CACNA2D1: variants seen among roughly 807,000 people sequenced by gnomAD.
CACNA2D1 encodes the protein voltage-dependent calcium channel subunit alpha-2/delta-1.
Under a neutral mutation model 171.5 loss-of-function variants are expected in CACNA2D1, and 53 were observed. That is an observed-to-expected ratio of 0.31 (90% CI 0.25 to 0.39). The LOEUF (loss-of-function observed/expected upper bound fraction) is 0.39. Ranked by LOEUF, CACNA2D1 falls within the 10% of genes least tolerant of loss-of-function variation. The pLI is 1.00. For missense variants in CACNA2D1, 903 were observed against 1,299.8 expected (o/e 0.69, Z 4.69); for synonymous variants, 442 against 443.1 (o/e 1.00, Z 0.03).
At chr7:82,404,302 G>C (rs1047975150) in intron 1 of CACNA2D1, among the ~76,000 whole-genome samples, 7 of 152,180 alleles carry the variant, frequency 4.6e-5, no homozygotes, top group African/African-American at 1.7e-4. Flanking sequence ...GGGCACGGCA[G>C]GAACATGGAG....
intron 1 of CACNA2D1, among the ~76,000 whole-genome samples, chr7:82,438,479 G>A (rs1252708829): frequency 6.6e-6 from 1 of 152,144 alleles, no homozygotes; most frequent in Non-Finnish European, 1.5e-5. Context: ...ACAAAGTGCT[G>A]CCACTTTTAC....
chr7:82,411,080 A>G (rs1205585084), intron 1 of CACNA2D1, among the ~76,000 whole-genome samples: 1 of 152,232 alleles, frequency 6.6e-6, no homozygotes, highest in Non-Finnish European at 1.5e-5. Flanking sequence ...CCATTCCTTT[A>G]TCTAGAGAGT....
intron 38 of CACNA2D1, among the ~76,000 whole-genome samples, chr7:81,956,306 G>A (rs1793336301): frequency 6.6e-6 from 1 of 152,016 alleles, no homozygotes; most frequent in Admixed American, 6.6e-5. Context: ...AAGGTAAAAA[G>A]AGAGCTGGCC....
At position 82,160,080 on chromosome 7, in the gene CACNA2D1, G is replaced by A. The variant is rs185393371; in HGVS notation, c.354+10470C>T. On this transcript the variant is annotated intron_variant, in intron 4 of 38. Transcript: ENST00000356860. ...GAATGTATCATTCGGAAACCAGTGGGAAAAAAATCAGTTCAATATAGGAGG... is the reference window on the plus strand; with the variant it reads ...GAATGTATCATTCGGAAACCAGTGGAAAAAAAATCAGTTCAATATAGGAGG... 3.1e-3 allele frequency among the ~76,000 whole-genome samples: 469 copies of A among 151,812 alleles called. 2 individuals are homozygous for A. The highest frequency in any genetic ancestry group is 0.011 in the African/African-American group (441 of 41,434).
At chr7:82,411,895 TCACACA>T (rs5885295) in intron 1 of CACNA2D1, among the ~76,000 whole-genome samples, 11 of 144,884 alleles carry the variant, frequency 7.6e-5, no homozygotes, top group Middle Eastern at 3.4e-3. Flanking sequence ...AAACTAAATC[TCACACA>T]CACACACACA....
At position 82,148,181 on chromosome 7, in the gene CACNA2D1, C is replaced by G. The variant is rs149941896; in HGVS notation, c.355-11505G>C. ...CTAAAACAAATATATCACTGTTCAG[C>G]TCGGATAGTGCATTATGTTCCTATA... On this transcript the variant is annotated intron_variant, in intron 4 of 38. Coordinates refer to ENST00000356860, the MANE Select transcript of CACNA2D1 (RefSeq NM_000722.4). Among the ~76,000 whole-genome samples, 237 of 152,112 alleles carry G rather than the reference C, an allele frequency of 1.6e-3. 3 individuals are homozygous for G. The East Asian group carries it at 0.016, about 10-fold the overall frequency.
intron 3 of CACNA2D1, among the ~76,000 whole-genome samples, chr7:82,331,444 T>C (rs925137507): frequency 1.3e-5 from 2 of 152,208 alleles, no homozygotes; most frequent in East Asian, 1.9e-4. Context: ...CAATGTAGCA[T>C]ATGTTCTTCA....
chr7:82,227,727 G>T (rs1280768375), intron 3 of CACNA2D1, among the ~76,000 whole-genome samples: 2 of 152,096 alleles, frequency 1.3e-5, no homozygotes. Context: ...CAGAGATTTT[G>T]CAATTTGGAT....
At chr7:82,400,218 GT>G in intron 1 of CACNA2D1, among the ~76,000 whole-genome samples, 1 of 150,896 alleles carries the variant, frequency 6.6e-6, no homozygotes, top group East Asian at 1.9e-4. Flanking sequence ...CTTTAAAGTA[GT>G]TTTTTCCAAT....
intron 10 of CACNA2D1, chr7:82,050,422 C>G: frequency 1.7e-6 from 1 of 590,248 alleles, no homozygotes; most frequent in Non-Finnish European, 3.0e-6. Context: ...AACCTCAATT[C>G]CCACAGGATG....
chr7:82,173,123 G>A (rs572695277), intron 3 of CACNA2D1, among the ~76,000 whole-genome samples: 10 of 152,112 alleles, frequency 6.6e-5, no homozygotes, highest in South Asian at 6.2e-4. Flanking sequence ...CCAGAATCAC[G>A]TGGCTTATGA....
chr7:82,037,828 C>T (rs939498662), intron 11 of CACNA2D1, among the ~76,000 whole-genome samples: 64 of 152,058 alleles, frequency 4.2e-4, no homozygotes, highest in Non-Finnish European at 2.4e-4. Flanking sequence ...AAATTATTTC[C>T]TTATAAATTT....
In CACNA2D1 at chr7:81,947,761, TA is replaced by T. The variant is rs1792154031; in HGVS notation, c.*2630del. ...ATGTAACTCAGAAAAATACTAAATG[TA>T]ATGTAATAATTTGATGGGATGAGTG... On this transcript the variant is annotated 3_prime_UTR_variant, in exon 39 of 39. Coordinates refer to ENST00000356860, the MANE Select transcript of CACNA2D1 (RefSeq NM_000722.4). 6.6e-6 allele frequency: 1 copy of T among 151,520 alleles called. No individual in the cohort carries two copies. The highest frequency in any genetic ancestry group is 2.4e-5 in the African/African-American group (1 of 41,046). The allele number at this position is 151,520 out of a possible 1,614,324, so 9.4% of individuals were successfully genotyped here. A position where few individuals can be genotyped will look rare whatever the true frequency, so the allele number is the denominator to read the frequency against.
At position 81,957,559 on chromosome 7, in the gene CACNA2D1, C is replaced by T. The variant is rs566058846; in HGVS notation, c.3159+1716G>A. Among the ~76,000 whole-genome samples, 11 of 152,062 alleles carry T rather than the reference C, an allele frequency of 7.2e-5. No individual in the cohort carries two copies. In the East Asian group the frequency reaches 9.7e-4, roughly 13 times the overall value. The stretch of plus-strand genomic sequence containing the variant: ...GCACTTAAGTTGATCCTATTAATAA[C>T]GGGCAAAGTAGCAAGTATAGGAAAA... On this transcript the variant is annotated intron_variant, in intron 38 of 38. Coordinates refer to ENST00000356860, the MANE Select transcript of CACNA2D1 (RefSeq NM_000722.4).
intron 3 of CACNA2D1, among the ~76,000 whole-genome samples, chr7:82,320,929 T>TTATATAAAGCCATTTATAAA (rs1815740179): frequency 6.7e-6 from 1 of 148,626 alleles, no homozygotes; most frequent in African/African-American, 2.5e-5. Context: ...AGTTAATGGC[T>TTATATAAAGCCATTTATAAA]TATATAAAGC....
chr7:82,358,407 T>A (rs972186889), intron 1 of CACNA2D1, among the ~76,000 whole-genome samples: 3 of 152,178 alleles, frequency 2.0e-5, no homozygotes, highest in African/African-American at 7.2e-5. Context: ...GTGAGATGGG[T>A]GTCATGCCAG....
At chr7:82,050,261 T>G (rs2131302383) in intron 10 of CACNA2D1, 1 of 263,188 alleles carries the variant, frequency 3.8e-6, no homozygotes, top group South Asian at 8.5e-5. Context: ...TGTCTGAGAT[T>G]TTATAGCAGT....
At chr7:82,228,184 G>A (rs923220908) in intron 3 of CACNA2D1, among the ~76,000 whole-genome samples, 4 of 152,108 alleles carry the variant, frequency 2.6e-5, no homozygotes, top group Non-Finnish European at 4.4e-5. Context: ...TGAGGATCTA[G>A]TAGTCAGAGA....
Position 81,961,798 on chromosome 7 carries a change from GTAATGATTATAACAGTATATACAATTTCT to G in CACNA2D1, c.2966+67_2966+95del, listed in dbSNP as rs35112512. The G allele has an allele frequency of 0.68, 646,754 of 958,004 alleles. 224,696 individuals are homozygous for G. Among genetic ancestry groups the G allele is most frequent in the East Asian group, 0.82 (32,394 of 39,356 alleles). The allele number at this position is 958,004 out of a possible 1,614,324, so 59.3% of individuals were successfully genotyped here. ...TCCAACACAATTTTCAGTTTTTTCTGTAATGATTATAACAGTATATACAATTTCTTAATGATTATAACAGTATATACAAT... is the reference window on the plus strand; with the variant it reads ...TCCAACACAATTTTCAGTTTTTTCTGTAATGATTATAACAGTATATACAAT... On this transcript the variant is annotated intron_variant, in intron 36 of 38. Coordinates refer to ENST00000356860, the MANE Select transcript of CACNA2D1 (RefSeq NM_000722.4).
Sources: gnomAD v4.1 joint callset for allele counts (sites outside exome capture counted in the v4.1 genomes callset) on GRCh38, gnomAD v4.1.1 for gene constraint, MANE v1.5 for transcripts, NCBI Gene and HGNC (gene_info 2026-07-23, HGNC 2026-07-21) for gene names.